The following KIAA1210 variants were observed in gnomAD, a reference collection of about 807,000 sequenced individuals.
The protein encoded by KIAA1210 is acrosomal protein KIAA1210.
KIAA1210 carries 48 observed loss-of-function variants against 78.9 expected under a neutral mutation model. The ratio of observed to expected loss-of-function variants is 0.61; its 90% CI spans 0.48 to 0.77. The LOEUF (loss-of-function observed/expected upper bound fraction) is 0.77. Ranked by LOEUF, KIAA1210 falls within the 30% of genes least tolerant of loss-of-function variation. The pLI is 0.00. For missense variants in KIAA1210, 1,108 were observed against 1,100.0 expected (o/e 1.01, Z -0.10); for synonymous variants, 406 against 404.5 (o/e 1.00, Z -0.04).
In KIAA1210 at chrX:119,089,693, T is replaced by C. The variant is rs779598388; in HGVS notation, c.1009A>G (p.Thr337Ala). 1.7e-6 allele frequency: 2 copies of C among 1,210,872 alleles called. No homozygotes were observed. Among genetic ancestry groups the C allele is most frequent in the Middle Eastern group, 2.3e-4 (1 of 4,344 alleles). The change falls in exon 9 of 12, where the codon ACA becomes GCA. Residue 337 changes from threonine (T) to alanine (A), a missense_variant. Around this residue, in one of 5 missense-constraint regions of KIAA1210, gnomAD observed 672 missense variants for 607.1 expected, o/e 1.11. Transcript: ENST00000691062. ...NKTEMYDKKT[T>A]DQAPNTDASR... is the part of the protein sequence containing the mutation. ...GCATCAGTGTTTGGAGCCTGGTCTGTTGTCTTCTTATCATACATCTCAGTT... is the reference window on the plus strand; with the variant it reads ...GCATCAGTGTTTGGAGCCTGGTCTGCTGTCTTCTTATCATACATCTCAGTT...
At chrX:119,107,066 G>T (rs986568488) in intron 5 of KIAA1210, among the ~76,000 whole-genome samples, 5 of 111,928 alleles carry the variant, frequency 4.5e-5, no homozygotes, top group African/African-American at 1.6e-4. Flanking sequence ...CCATGCAAAG[G>T]TCAGGTTGGT....
chrX:119,115,404 A>G (rs1928225349), intron 3 of KIAA1210, among the ~76,000 whole-genome samples: 1 of 111,663 alleles, frequency 9.0e-6, no homozygotes, highest in African/African-American at 3.3e-5. Flanking sequence ...TGAACACTGC[A>G]AGGCAATGGG....
At chrX:119,140,317 T>A (rs1407483913) in intron 2 of KIAA1210, among the ~76,000 whole-genome samples, 1 of 109,997 alleles carries the variant, frequency 9.1e-6, no homozygotes, top group African/African-American at 3.3e-5. Context: ...TTAACTGAGG[T>A]CAGGAGTTCG....
At chrX:119,128,218 T>A (rs1393629372), upstream of KIAA1210, among the ~76,000 whole-genome samples, 4 of 112,165 alleles carry the variant, frequency 3.6e-5, no homozygotes, top group Non-Finnish European at 7.5e-5. Context: ...ATTATGATTA[T>A]TTCAACATAT....
intron 6 of KIAA1210, among the ~76,000 whole-genome samples, chrX:119,103,914 G>A (rs1270064893): frequency 8.9e-6 from 1 of 111,855 alleles, no homozygotes; most frequent in Non-Finnish European, 1.9e-5. Flanking sequence ...GAGATAGAAA[G>A]CAGAATAGTT....
Position 119,088,207 on chromosome X carries a change from A to G in KIAA1210, c.2495T>C (p.Val832Ala), listed in dbSNP as rs373053726. Residue 832 changes from valine (V) to alanine (A), a missense_variant, in exon 9 of 12, where the codon GTT becomes GCT. Val to Ala is a moderately conservative substitution (Grantham distance 64). This residue lies in a region of KIAA1210 where 672 missense variants were observed against 607.1 expected (regional missense o/e 1.11). Transcript: ENST00000691062. The part of the protein sequence containing the change: ...NMFSGSEDIA[V>A]ERVISVEPLL... Reference sequence around the variant, plus strand: ...TGGCTCCACAGAAATGACTCTCTCAACAGCAATGTCCTCTGAACCTGAGAA... The same window carrying G: ...TGGCTCCACAGAAATGACTCTCTCAGCAGCAATGTCCTCTGAACCTGAGAA... 8.3e-7 allele frequency: 1 copy of G among 1,211,399 alleles called. No individual in the cohort carries two copies. The highest frequency in any genetic ancestry group is 1.1e-6 in the Non-Finnish European group (1 of 895,038).
intron 2 of KIAA1210, among the ~76,000 whole-genome samples, chrX:119,142,774 C>CAAA (rs11439597): frequency 0.014 from 536 of 37,550 alleles, 17 homozygotes; most frequent in African/African-American, 0.033. Flanking sequence ...GACTCCATCT[C>CAAA]AAAAAAAAAA....
chrX:119,122,061 A>T (rs375904419), intron 2 of KIAA1210, among the ~76,000 whole-genome samples: 28 of 56,479 alleles, frequency 5.0e-4, no homozygotes, highest in Admixed American at 1.4e-3. Flanking sequence ...CGCGCCCGGC[A>T]TTTTTTTTTT....
In KIAA1210 at chrX:119,096,584, TG is replaced by T; in HGVS notation, c.755del (p.Pro252GlnfsTer17). The T allele has an allele frequency of 8.3e-7, 1 of 1,211,462 alleles. No individual in the cohort carries two copies. The highest frequency in any genetic ancestry group is 1.1e-6 in the Non-Finnish European group (1 of 895,221). On this transcript the variant is annotated frameshift_variant, in exon 7 of 12. Coordinates refer to ENST00000691062, the MANE Select transcript of KIAA1210 (RefSeq NM_001394962.1). LOFTEE classifies it high-confidence loss of function. ...STQLPIGFST[P>X]ATTQGCLDSS... ...AATCCAAACAGCCCTGGGTGGTGGC[TG>T]GGGTGCTGAAACCAATGGGCAGCTG...
At chrX:119,099,575 A>C (rs1287881721) in intron 6 of KIAA1210, among the ~76,000 whole-genome samples, 5 of 112,475 alleles carry the variant, frequency 4.4e-5, no homozygotes, top group Non-Finnish European at 9.4e-5. Flanking sequence ...CTCTGTTGTT[A>C]GGTTTAGAGT....
rs34997327 is a variant in KIAA1210, at chrX:119,095,398, C to CT, written c.846+1095dup. Among the ~76,000 whole-genome samples the CT allele has an allele frequency of 1.0e-3, 108 of 107,310 alleles. 1 individual carries two copies. The East Asian group carries it at 0.025, about 25-fold the overall frequency. The allele number at this position is 107,310 out of a possible 115,157, so 93.2% of individuals were successfully genotyped here. ...AACACTAAACACTAACATTTTTTAA[C>CT]TTTTTTTTTTTAAACGGAGTTTTGC... is the stretch of plus-strand genomic sequence containing the variant. On this transcript the variant is annotated intron_variant, in intron 7 of 11. Coordinates refer to ENST00000691062, the MANE Select transcript of KIAA1210 (RefSeq NM_001394962.1).
At chrX:119,117,448 G>A (rs971561535) in intron 2 of KIAA1210, among the ~76,000 whole-genome samples, 3 of 111,673 alleles carry the variant, frequency 2.7e-5, no homozygotes, top group Non-Finnish European at 3.8e-5. Context: ...ATTATCTACA[G>A]GGCTGCTGCC....
In KIAA1210 at chrX:119,095,059, C is replaced by T. The variant is rs552028788; in HGVS notation, c.847-1284G>A. ...TGCTCCTCCACCTGTTCTTTCAACT[C>T]GTATTTTGTCTAAAACCTAAAGTGA... On this transcript the variant is annotated intron_variant, in intron 7 of 11. Coordinates refer to ENST00000691062, the MANE Select transcript of KIAA1210 (RefSeq NM_001394962.1). Among the ~76,000 whole-genome samples the T allele has an allele frequency of 2.7e-5, 3 of 111,966 alleles. No individual in the cohort carries two copies. The Admixed American group carries it at 2.8e-4, about 11-fold the overall frequency.
At chrX:119,150,629 C>T (rs1297089465), upstream of KIAA1210, 1 of 1,145,034 alleles carries the variant, frequency 8.7e-7, no homozygotes, top group Admixed American at 2.5e-5. Context: ...CTGCCGAGTC[C>T]CAGAAGCTGG....
At chrX:119,134,952 C>T (rs1184255696) in intron 2 of KIAA1210, among the ~76,000 whole-genome samples, 1 of 112,500 alleles carries the variant, frequency 8.9e-6, no homozygotes, top group Admixed American at 9.4e-5. Flanking sequence ...CAGTCTGTGC[C>T]AGGCAGGCAC....
At chrX:119,147,067 C>T (rs1929184103) in intron 2 of KIAA1210, among the ~76,000 whole-genome samples, 1 of 111,285 alleles carries the variant, frequency 9.0e-6, no homozygotes, top group Admixed American at 9.5e-5. Context: ...CTAAATTTGC[C>T]TTCCCTAACT....
intron 2 of KIAA1210, among the ~76,000 whole-genome samples, chrX:119,122,061 A>ATTTTTTTTT (rs781688572): frequency 7.1e-5 from 4 of 56,487 alleles, no homozygotes; most frequent in Admixed American, 2.8e-4. Context: ...CGCGCCCGGC[A>ATTTTTTTTT]TTTTTTTTTT....
upstream of KIAA1210, among the ~76,000 whole-genome samples, chrX:119,131,069 C>T (rs184292744): frequency 9.8e-5 from 11 of 112,050 alleles, no homozygotes; most frequent in East Asian, 2.2e-3. Context: ...GAAGACTTTT[C>T]CTGACAGCTC....
At chrX:119,112,678 C>A (rs73592485) in intron 3 of KIAA1210, among the ~76,000 whole-genome samples, 5,397 of 111,354 alleles carry the variant, frequency 0.048, 342 homozygotes, top group African/African-American at 0.17. Flanking sequence ...GATAATAACA[C>A]GCATTGGCAA....
Sources: gnomAD v4.1 joint callset for allele counts (sites outside exome capture counted in the v4.1 genomes callset) on GRCh38, gnomAD v4.1.1 for gene constraint, gnomAD v4.1.1 regional missense constraint, MANE v1.5 for transcripts, NCBI Gene and HGNC (gene_info 2026-07-23, HGNC 2026-07-21) for gene names.